Variants in KIAA1217 observed in about 807,000 individuals in gnomAD.
KIAA1217 encodes sickle tail protein homolog.
A neutral mutation model predicts 163.9 loss-of-function variants in KIAA1217; 88 were observed. The observed-to-expected ratio is 0.54, with a 90% CI of 0.45 to 0.64. The LOEUF (loss-of-function observed/expected upper bound fraction) is 0.64. KIAA1217 is among the 30% of genes least tolerant of loss of function. The pLI is 0.00. For missense variants in KIAA1217, 2,372 were observed against 2,475.0 expected (o/e 0.96, Z 0.88); for synonymous variants, 903 against 923.1 (o/e 0.98, Z 0.39).
chr10:24,468,011 A>T (rs886286951), intron 5 of KIAA1217, among the ~76,000 whole-genome samples: 1 of 152,196 alleles, frequency 6.6e-6, no homozygotes, highest in Non-Finnish European at 1.5e-5. Flanking sequence ...AGATTCTAGG[A>T]AGATCTCTCC....
intron 1 of KIAA1217, among the ~76,000 whole-genome samples, chr10:23,704,639 CCTTT>C (rs781141313): frequency 1.3e-5 from 2 of 152,084 alleles, no homozygotes; most frequent in Non-Finnish European, 2.9e-5. Flanking sequence ...GTCATTAATT[CCTTT>C]CTTTTTATTG....
At chr10:24,066,637 C>T (rs924756634) in intron 2 of KIAA1217, among the ~76,000 whole-genome samples, 1 of 152,080 alleles carries the variant, frequency 6.6e-6, no homozygotes. Context: ...TTGCTCTTCT[C>T]GAGGAGTATC....
intron 3 of KIAA1217, among the ~76,000 whole-genome samples, chr10:24,423,632 GTA>G (rs2058939821): frequency 1.3e-5 from 2 of 152,176 alleles, no homozygotes; most frequent in South Asian, 2.1e-4. Context: ...GCTAATTTTT[GTA>G]TTTTTAGTAG....
chr10:24,398,881 G>A (rs780848232), intron 3 of KIAA1217, among the ~76,000 whole-genome samples: 3 of 152,148 alleles, frequency 2.0e-5, no homozygotes, highest in Non-Finnish European at 2.9e-5. Flanking sequence ...TGAGCTGCCA[G>A]TTACCAATTT....
At chr10:23,900,906 T>C (rs1841929037) in intron 1 of KIAA1217, among the ~76,000 whole-genome samples, 1 of 152,068 alleles carries the variant, frequency 6.6e-6, no homozygotes, top group South Asian at 2.1e-4. Context: ...ATAACACATA[T>C]CCTAAAGCTT....
intron 2 of KIAA1217, among the ~76,000 whole-genome samples, chr10:24,018,577 TAATA>T (rs996631424): frequency 9.9e-5 from 15 of 151,168 alleles, no homozygotes; most frequent in South Asian, 2.1e-4. Flanking sequence ...AAAATAATAA[TAATA>T]AATAAATAAA....
rs1326545548 is a variant in KIAA1217 at position 24,546,368 on chromosome 10, A to G, written c.*44A>G. The G allele has an allele frequency of 3.9e-6, 6 of 1,523,620 alleles. No individual in the cohort carries two copies. The highest frequency in any genetic ancestry group is 5.3e-6 in the Non-Finnish European group (6 of 1,134,958). 94.4% of individuals were successfully genotyped at this position (1,523,620 alleles called of 1,614,324 possible). A position where few individuals can be genotyped will look rare whatever the true frequency, so the allele number is the denominator to read the frequency against. ...CACAAGTCGGAGTTACATTTAAAAA[A>G]AATTAACAGTCTACAACAACTGTTT... On this transcript the variant is annotated 3_prime_UTR_variant, in exon 21 of 21. Transcript: ENST00000376454.
intron 2 of KIAA1217, among the ~76,000 whole-genome samples, chr10:24,117,334 A>G (rs114523907): frequency 0.017 from 2,616 of 152,066 alleles, 81 homozygotes; most frequent in African/African-American, 0.06. Flanking sequence ...GGGCCCTAAT[A>G]GTGCTTTTAA....
At chr10:24,286,718 A>G (rs535016525) in intron 2 of KIAA1217, among the ~76,000 whole-genome samples, 4 of 152,324 alleles carry the variant, frequency 2.6e-5, no homozygotes, top group Admixed American at 2.6e-4. Context: ...TTCTGAAGGA[A>G]TGGTAAAAAT....
At chr10:24,233,911 A>T (rs887131812) in intron 2 of KIAA1217, among the ~76,000 whole-genome samples, 3 of 152,140 alleles carry the variant, frequency 2.0e-5, no homozygotes, top group Admixed American at 6.6e-5. Context: ...GTTCCTAAGA[A>T]TTTGTTTCAC....
chr10:24,354,692 C>T (rs1290966773), intron 2 of KIAA1217, among the ~76,000 whole-genome samples: 1 of 152,152 alleles, frequency 6.6e-6, no homozygotes, highest in Non-Finnish European at 1.5e-5. Context: ...TCTCACCATT[C>T]CTAGCCAAAC....
intron 2 of KIAA1217, among the ~76,000 whole-genome samples, chr10:24,335,615 TATTTATTTATTG>T (rs201404643): frequency 0.11 from 16,522 of 148,982 alleles, 1,050 homozygotes; most frequent in East Asian, 0.19. Flanking sequence ...TTTATTTATT[TATTTATTTATTG>T]GAGATGGAGT....
intron 2 of KIAA1217, among the ~76,000 whole-genome samples, chr10:24,255,012 C>G (rs1378109861): frequency 6.6e-6 from 1 of 152,078 alleles, no homozygotes; most frequent in Non-Finnish European, 1.5e-5. Flanking sequence ...CGCCACCATG[C>G]CCAGCTAATT....
At chr10:24,188,951 A>G (rs2066576918) in intron 2 of KIAA1217, among the ~76,000 whole-genome samples, 1 of 151,844 alleles carries the variant, frequency 6.6e-6, no homozygotes, top group African/African-American at 2.4e-5. Flanking sequence ...TAAAAATACG[A>G]GAAAATTAGC....
At chr10:23,956,555 C>T (rs1844567096) in intron 1 of KIAA1217, among the ~76,000 whole-genome samples, 1 of 152,138 alleles carries the variant, frequency 6.6e-6, no homozygotes, top group Non-Finnish European at 1.5e-5. Context: ...GACTCTACTG[C>T]AAAGACATTC....
intron 2 of KIAA1217, chr10:24,255,409 G>T (rs577184882): frequency 5.4e-6 from 2 of 367,228 alleles, no homozygotes; most frequent in South Asian, 3.9e-5. Flanking sequence ...GTTGTGGAGC[G>T]GGCGGGTCCC....
chr10:24,417,016 T>A (rs1043170403), intron 3 of KIAA1217, among the ~76,000 whole-genome samples: 1 of 152,098 alleles, frequency 6.6e-6, no homozygotes, highest in Non-Finnish European at 1.5e-5. Flanking sequence ...GTCACAAGGA[T>A]TTAGGGAAGC....
intron 1 of KIAA1217, among the ~76,000 whole-genome samples, chr10:24,216,531 A>G (rs2068839242): frequency 6.6e-6 from 1 of 152,110 alleles, no homozygotes; most frequent in Non-Finnish European, 1.5e-5. Context: ...ATTCCACTTA[A>G]AAGTCAATAG....
chr10:23,855,960 T>C (rs1224364087), intron 1 of KIAA1217, among the ~76,000 whole-genome samples: 3 of 152,278 alleles, frequency 2.0e-5, no homozygotes, highest in East Asian at 3.9e-4. Context: ...GTTTGAATTT[T>C]CTCCTGTAGC....
Sources: allele counts gnomAD v4.1 joint callset (sites outside exome capture counted in the v4.1 genomes callset), GRCh38; gene constraint gnomAD v4.1.1; transcripts MANE v1.5; gene names NCBI Gene and HGNC (gene_info 2026-07-23, HGNC 2026-07-21).